Variants in DAB1 observed in about 807,000 individuals in gnomAD.
DAB1 encodes disabled homolog 1.
A neutral mutation model predicts 64.6 loss-of-function variants in DAB1; 15 were observed. The ratio of observed to expected loss-of-function variants is 0.23; its 90% CI spans 0.16 to 0.36. The LOEUF is 0.36. Among genes scored for constraint, DAB1 ranks in the 10% least tolerant of loss-of-function variants. The probability of loss-of-function intolerance (pLI) is 1.00; values close to 1 mark genes in which losing one functional copy is unlikely to be tolerated. For synonymous variants in DAB1, 235 were observed against 251.9 expected (o/e 0.93, Z 0.64); for missense variants, 596 against 706.7 (o/e 0.84, Z 1.78).
chr1:58,066,287 G>A (rs1337621550), intron 5 of DAB1, among the ~76,000 whole-genome samples: 1 of 152,184 alleles, frequency 6.6e-6, no homozygotes, highest in Non-Finnish European at 1.5e-5. Context: ...CACCAGCCAG[G>A]GGTAGGGGAA....
intron 4 of DAB1, among the ~76,000 whole-genome samples, chr1:58,227,895 T>TC (rs1044615982): frequency 1.3e-5 from 2 of 152,036 alleles, no homozygotes; most frequent in African/African-American, 2.4e-5. Context: ...ATTTTGCATT[T>TC]CCCCCCTCTG....
chr1:58,148,775 AC>A (rs60017172), intron 5 of DAB1, among the ~76,000 whole-genome samples: 46,262 of 136,310 alleles, frequency 0.34, 8,999 homozygotes, highest in African/African-American at 0.56. Context: ...CAGAAATCAC[AC>A]CCCCCCCCCA....
At chr1:57,299,697 C>T (rs754175074) in intron 1 of DAB1, among the ~76,000 whole-genome samples, 4 of 151,584 alleles carry the variant, frequency 2.6e-5, no homozygotes, top group Admixed American at 2.6e-4. Flanking sequence ...AAAATTCTCA[C>T]CTCTAATTTT....
At chr1:58,340,574 C>T (rs1643917769) in intron 4 of DAB1, among the ~76,000 whole-genome samples, 1 of 152,166 alleles carries the variant, frequency 6.6e-6, no homozygotes, top group East Asian at 1.9e-4. Context: ...AATAATCAAA[C>T]TCTCTCCCTC....
intron 5 of DAB1, among the ~76,000 whole-genome samples, chr1:57,947,993 A>T (rs1645208785): frequency 6.6e-6 from 1 of 152,138 alleles, no homozygotes; most frequent in Non-Finnish European, 1.5e-5. Context: ...GGCTCAAGAA[A>T]CAGTATGGTA....
intron 4 of DAB1, among the ~76,000 whole-genome samples, chr1:58,247,983 T>C (rs1269757751): frequency 6.6e-6 from 1 of 152,124 alleles, no homozygotes; most frequent in Non-Finnish European, 1.5e-5. Context: ...CTTCCTGGTA[T>C]GTACAAAAGA....
intron 4 of DAB1, among the ~76,000 whole-genome samples, chr1:57,088,104 C>T (rs1051631363): frequency 1.1e-4 from 17 of 152,184 alleles, no homozygotes; most frequent in African/African-American, 4.1e-4. Context: ...GAATTTTGCT[C>T]TTGTTGCCCA....
chr1:57,322,780 C>G (rs905225310), intron 1 of DAB1, among the ~76,000 whole-genome samples: 4 of 152,140 alleles, frequency 2.6e-5, no homozygotes, highest in East Asian at 1.9e-4. Flanking sequence ...TGACAGGGGA[C>G]AGCACTTAGA....
chr1:57,766,309 G>A (rs1417998881), intron 6 of DAB1, among the ~76,000 whole-genome samples: 1 of 150,456 alleles, frequency 6.6e-6, no homozygotes, highest in Non-Finnish European at 1.5e-5. Flanking sequence ...TTAAACTTAA[G>A]GCAGAAAAAA....
intron 6 of DAB1, among the ~76,000 whole-genome samples, chr1:57,790,677 G>A (rs935115561): frequency 6.6e-6 from 1 of 152,134 alleles, no homozygotes; most frequent in Non-Finnish European, 1.5e-5. Flanking sequence ...TATATTGGAT[G>A]AACTTTTAAT....
chr1:57,219,264 A>AACACACAC (rs60049165), intron 2 of DAB1, among the ~76,000 whole-genome samples: 164 of 149,646 alleles, frequency 1.1e-3, no homozygotes, highest in Middle Eastern at 7.1e-3. Context: ...GAGGCATTTC[A>AACACACAC]ACACACACAC....
intron 4 of DAB1, among the ~76,000 whole-genome samples, chr1:58,305,676 A>C (rs1042954862): frequency 6.6e-6 from 1 of 152,226 alleles, no homozygotes; most frequent in Non-Finnish European, 1.5e-5. Flanking sequence ...AAAAAGATCA[A>C]GTCATCATAA....
chr1:57,491,016 C>T (rs1436445627), intron 7 of DAB1, among the ~76,000 whole-genome samples: 2 of 152,214 alleles, frequency 1.3e-5, no homozygotes, highest in African/African-American at 4.8e-5. Flanking sequence ...TATACTGCAA[C>T]AAGGAAAAGA....
intron 1 of DAB1, among the ~76,000 whole-genome samples, chr1:57,323,325 G>C (rs780074456): frequency 6.6e-6 from 1 of 152,162 alleles, no homozygotes; most frequent in Non-Finnish European, 1.5e-5. Flanking sequence ...GCCAAGGAAG[G>C]CTTCCCAAAA....
chr1:57,372,227 G>A (rs1490198300), intron 1 of DAB1, among the ~76,000 whole-genome samples: 1 of 152,170 alleles, frequency 6.6e-6, no homozygotes, highest in Non-Finnish European at 1.5e-5. Flanking sequence ...TTTCTCTATA[G>A]ACACCATAAA....
chr1:58,307,086 T>C (rs1662325171), intron 4 of DAB1, among the ~76,000 whole-genome samples: 1 of 152,220 alleles, frequency 6.6e-6, no homozygotes, highest in Non-Finnish European at 1.5e-5. Context: ...TTCTCTACTC[T>C]ACAAGGAAGT....
chr1:57,614,779 C>G (rs1384276899), intron 7 of DAB1, among the ~76,000 whole-genome samples: 1 of 151,316 alleles, frequency 6.6e-6, no homozygotes, highest in African/African-American at 2.4e-5. Flanking sequence ...GGCATTTTTA[C>G]TAATGTGAAT....
intron 3 of DAB1, among the ~76,000 whole-genome samples, chr1:58,362,598 T>C (rs560801741): frequency 9.2e-5 from 14 of 152,222 alleles, no homozygotes; most frequent in Non-Finnish European, 1.3e-4. Flanking sequence ...AAGTTTGCTT[T>C]CTATCACTTG....
At chr1:57,844,199 A>T (rs928594062) in intron 1 of DAB1, among the ~76,000 whole-genome samples, 7 of 152,232 alleles carry the variant, frequency 4.6e-5, no homozygotes, top group Non-Finnish European at 1.0e-4. Flanking sequence ...ACCAGCATTC[A>T]TACTTTTATG....
Sources: gnomAD v4.1 joint callset for allele counts (sites outside exome capture counted in the v4.1 genomes callset) on GRCh38, gnomAD v4.1.1 for gene constraint, MANE v1.5 for transcripts, NCBI Gene and HGNC (gene_info 2026-07-23, HGNC 2026-07-21) for gene names.